Variants in CDK15 observed in about 807,000 individuals in gnomAD.
The protein encoded by CDK15 is cyclin dependent kinase 15, also known as cyclin-dependent kinase 15.
A neutral mutation model predicts 60.3 loss-of-function variants in CDK15; 62 were observed. The observed-to-expected ratio is 1.03, with a 90% CI of 0.84 to 1.27. The LOEUF (loss-of-function observed/expected upper bound fraction) is 1.27, where lower values mean the gene tolerates loss of function less well. Ranked by LOEUF, CDK15 falls within the 50% of genes most tolerant of loss-of-function variation. CDK15 has a pLI of 0.00. For synonymous variants in CDK15, 194 were observed against 195.7 expected (o/e 0.99, Z 0.07); for missense variants, 541 against 527.8 (o/e 1.03, Z -0.25).
intron 10 of CDK15, among the ~76,000 whole-genome samples, chr2:201,856,537 G>GA (rs1390491644): frequency 6.6e-6 from 1 of 152,154 alleles, no homozygotes; most frequent in Non-Finnish European, 1.5e-5. Flanking sequence ...CTGAGATAGA[G>GA]AAAAAAGAAC....
chr2:201,859,361 G>C (rs1355881231), intron 10 of CDK15, among the ~76,000 whole-genome samples: 1 of 152,244 alleles, frequency 6.6e-6, no homozygotes, highest in East Asian at 1.9e-4. Flanking sequence ...TTTTTACAAA[G>C]TTCCTTTAGC....
In CDK15 at chr2:201,812,494, A is replaced by G. The variant is rs56135556; in HGVS notation, c.380A>G (p.Gln127Arg). The change falls in exon 4 of 14, where the codon CAA becomes CGA. Residue 127 changes from glutamine (Q) to arginine (R), a missense_variant. Coordinates refer to ENST00000652192, the MANE Select transcript of CDK15 (RefSeq NM_001366386.2). ...TCCCTCTCTTCTAGAATAAATGGAC[A>G]ACTAGTGGCTTTAAAAGTCATCAGC... ...VYKGISRINGQLVALKVISMN... is the reference protein window; with the variant it reads ...VYKGISRINGRLVALKVISMN... The G allele has an allele frequency of 7.4e-4, 1,197 of 1,612,240 alleles. No homozygotes were observed. Among genetic ancestry groups the G allele is most frequent in the Non-Finnish European group, 9.5e-4 (1,116 of 1,178,676 alleles).
intron 11 of CDK15, among the ~76,000 whole-genome samples, chr2:201,879,384 T>C (rs777595374): frequency 7.1e-4 from 108 of 152,276 alleles, no homozygotes; most frequent in Non-Finnish European, 1.2e-3. Context: ...AACATGTTTT[T>C]TGTTTGTTTG....
intron 8 of CDK15, among the ~76,000 whole-genome samples, chr2:201,841,059 C>G (rs1405083514): frequency 1.3e-5 from 2 of 152,106 alleles, no homozygotes; most frequent in African/African-American, 4.8e-5. Flanking sequence ...ATTTCCTTAA[C>G]TTTCTGTGAT....
intron 10 of CDK15, chr2:201,860,696 C>T (rs1698352492): frequency 7.4e-7 from 1 of 1,351,800 alleles, no homozygotes; most frequent in Non-Finnish European, 9.8e-7. Flanking sequence ...AAGGGATGCC[C>T]AGTTGTTTTT....
intron 10 of CDK15, among the ~76,000 whole-genome samples, chr2:201,859,997 TAA>T (rs1698318553): frequency 6.6e-6 from 1 of 152,256 alleles, no homozygotes; most frequent in African/African-American, 2.4e-5. Context: ...GATCCTGCGA[TAA>T]AGAGAAACTT....
At position 201,854,908 on chromosome 2, in the gene CDK15, G is replaced by A; in HGVS notation, c.980G>A (p.Gly327Glu). The A allele has an allele frequency of 6.2e-7, 1 of 1,613,988 alleles. No homozygotes were observed. The highest frequency in any genetic ancestry group is 1.3e-5 in the African/African-American group (1 of 74,978). ...GTCCCTACAGAGGATACTTGGCCGG[G>A]AGTCTCCAAGCTACCTAACTACAAT... is the stretch of plus-strand genomic sequence containing the variant. The part of the protein sequence containing the change: ...LGVPTEDTWP[G>E]VSKLPNYNPE... Residue 327 changes from glycine to glutamate, a missense_variant, in exon 10 of 14, where the codon GGA (glycine) becomes GAA (glutamate). Coordinates refer to ENST00000652192, the MANE Select transcript of CDK15 (RefSeq NM_001366386.2).
rs1218144710 is a variant in CDK15 at position 201,807,603 on chromosome 2, A to T, written c.233A>T (p.Asp78Val). The T allele has an allele frequency of 2.5e-6, 4 of 1,614,144 alleles. No homozygotes were observed. Among genetic ancestry groups the T allele is most frequent in the Non-Finnish European group, 3.4e-6 (4 of 1,180,020 alleles). ...FKSKRPRSNS[D>V]CFQEEDLRQG... ...AGTAAAAGGCCACGGAGTAACAGTG[A>T]TTGTTTTCAGGAAGAGGATCTGAGG... The change falls in exon 2 of 14, where the codon GAT (aspartate) becomes GTT (valine). Residue 78 changes from aspartate (D) to valine (V), a missense_variant. Asp to Val is a radical substitution (Grantham distance 152). Coordinates refer to ENST00000652192, the MANE Select transcript of CDK15 (RefSeq NM_001366386.2).
intron 7 of CDK15, among the ~76,000 whole-genome samples, chr2:201,834,941 C>T (rs1696939245): frequency 1.3e-5 from 2 of 152,182 alleles, no homozygotes; most frequent in African/African-American, 4.8e-5. Context: ...AGATAAACAG[C>T]TGACTGACAG....
At chr2:201,827,068 A>G (rs1358407092) in intron 6 of CDK15, among the ~76,000 whole-genome samples, 2 of 152,242 alleles carry the variant, frequency 1.3e-5, no homozygotes. Context: ...GTTGGCCTGA[A>G]ATACAGAATA....
chr2:201,816,455 G>T (rs902655173), intron 4 of CDK15, among the ~76,000 whole-genome samples: 20 of 79,858 alleles, frequency 2.5e-4, no homozygotes, highest in Non-Finnish European at 3.4e-4. Flanking sequence ...TAAGGAAATG[G>T]TTTTTTTTTT....
chr2:201,808,065 C>A, intron 3 of CDK15, 113 bp downstream of exon 3: 2 of 815,400 alleles, frequency 2.5e-6, no homozygotes, highest in Non-Finnish European at 1.9e-6. Flanking sequence ...AGGACCTGTG[C>A]AAGACACCAT....
At chr2:201,847,288 TA>T in intron 8 of CDK15, 92 bp from the exon 9 acceptor site, 1 of 1,281,608 alleles carries the variant, frequency 7.8e-7, no homozygotes, top group Non-Finnish European at 1.1e-6. Context: ...TAACTCTCCC[TA>T]AAATATTTCT....
rs975234784 is a variant in CDK15 at position 201,880,123 on chromosome 2, A to T, written c.1154A>T (p.Asp385Val). ...TCCGCCCAGGAAGCACTTGTTCATG[A>T]TTATTTCAGCGCCCTGCCATCTCAG... ...RVSAQEALVHDYFSALPSQLY... is the reference protein window; with the variant it reads ...RVSAQEALVHVYFSALPSQLY... The change falls in exon 12 of 14, where the codon GAT becomes GTT. Residue 385 changes from aspartate to valine, a missense_variant. By Grantham distance (152) the Asp-to-Val change is radical. Transcript: ENST00000652192. 1.9e-6 allele frequency: 3 copies of T among 1,613,778 alleles called. No individual in the cohort carries two copies. Among genetic ancestry groups the T allele is most frequent in the Admixed American group, 3.3e-5 (2 of 59,974 alleles).
At chr2:201,837,352 A>AG (rs1002826252) in intron 8 of CDK15, among the ~76,000 whole-genome samples, 13 of 124,166 alleles carry the variant, frequency 1.0e-4, no homozygotes, top group African/African-American at 3.9e-4. Context: ...GGAGAGGGAG[A>AG]GGGGGAGAAA....
intron 1 of CDK15, 70 bp downstream of exon 1, chr2:201,806,857 T>C: frequency 6.5e-7 from 1 of 1,548,166 alleles, no homozygotes. Context: ...TCCCTTTTTG[T>C]AGCGGGATCT....
chr2:201,852,114 T>C (rs1040646052), intron 9 of CDK15, among the ~76,000 whole-genome samples: 4 of 152,232 alleles, frequency 2.6e-5, no homozygotes, highest in Non-Finnish European at 5.9e-5. Flanking sequence ...CTGAAGACAC[T>C]TTTTAGTTTT....
At chr2:201,833,235 G>T (rs1696838293) in intron 6 of CDK15, among the ~76,000 whole-genome samples, 1 of 149,974 alleles carries the variant, frequency 6.7e-6, no homozygotes. Flanking sequence ...ACTTATTTTG[G>T]TCTCTCTTCC....
chr2:201,868,912 T>C (rs569112536), intron 10 of CDK15, among the ~76,000 whole-genome samples: 1 of 152,286 alleles, frequency 6.6e-6, no homozygotes, highest in Non-Finnish European at 1.5e-5. Context: ...GAAATAGGAA[T>C]GCTTATACAC....
Sources: gnomAD v4.1 joint callset for allele counts (sites outside exome capture counted in the v4.1 genomes callset) on GRCh38, gnomAD v4.1.1 for gene constraint, MANE v1.5 for transcripts, NCBI Gene and HGNC (gene_info 2026-07-23, HGNC 2026-07-21) for gene names.